NISCH: variants seen among roughly 807,000 people sequenced by gnomAD.
NISCH encodes the protein nischarin.
In NISCH, 55 loss-of-function variants were observed where a neutral mutation model predicts 138.4. That is an observed-to-expected ratio of 0.40 (90% CI 0.32 to 0.50). The LOEUF is 0.50. Ranked by LOEUF, NISCH falls within the 20% of genes least tolerant of loss-of-function variation. The pLI, the probability that NISCH is intolerant of heterozygous loss-of-function variation, is 0.71. For missense variants in NISCH, 1,643 were observed against 2,005.5 expected (o/e 0.82, Z 3.45); for synonymous variants, 860 against 861.5 (o/e 1.00, Z 0.03).
At chr3:52,464,335 T>C (rs934281853) in intron 3 of NISCH, among the ~76,000 whole-genome samples, 1 of 151,660 alleles carries the variant, frequency 6.6e-6, no homozygotes, top group African/African-American at 2.4e-5. Flanking sequence ...GAGGCGAAGA[T>C]TGCAATGAGT....
intron 3 of NISCH, among the ~76,000 whole-genome samples, chr3:52,467,951 A>C (rs1319595527): frequency 6.6e-6 from 1 of 152,146 alleles, no homozygotes; most frequent in Non-Finnish European, 1.5e-5. Context: ...CTGAGCTGAC[A>C]CCAGCTACTT....
At position 52,476,433 on chromosome 3, in the gene NISCH, A is replaced by T. The variant is rs748603396; in HGVS notation, c.766-14A>T. On this transcript the variant is annotated splice_polypyrimidine_tract_variant and intron_variant, in intron 7 of 20. Transcript: ENST00000345716. ...GGCCCGAGTGTGGTGCTCCACACAGATGTTTTTATGCAGGAAGTCCTTGTT... is the reference window on the plus strand; with the variant it reads ...GGCCCGAGTGTGGTGCTCCACACAGTTGTTTTTATGCAGGAAGTCCTTGTT... 7 of 1,613,884 alleles carry T rather than the reference A, an allele frequency of 4.3e-6. No individual in the cohort carries two copies. In the South Asian group the frequency reaches 7.7e-5, roughly 18 times the overall value.
chr3:52,467,958 A>C (rs1706834684), intron 3 of NISCH, among the ~76,000 whole-genome samples: 1 of 152,154 alleles, frequency 6.6e-6, no homozygotes. Flanking sequence ...GACACCAGCT[A>C]CTTGAAGAAA....
chr3:52,482,414 C>T (rs1017799469), intron 13 of NISCH, among the ~76,000 whole-genome samples: 2 of 152,124 alleles, frequency 1.3e-5, no homozygotes, highest in South Asian at 4.1e-4. Flanking sequence ...AGTTGATTGT[C>T]CAGCCAGGCC....
chr3:52,478,149 T>C lies in NISCH; in HGVS notation c.1040T>C (p.Leu347Ser), dbSNP rs1707159697. 6.2e-7 allele frequency: 1 copy of C among 1,614,064 alleles called. No individual in the cohort carries two copies. Among genetic ancestry groups the C allele is most frequent in the Non-Finnish European group, 8.5e-7 (1 of 1,180,004 alleles). ...LDLSYNKLSSLEGLHTKLGNI... is the reference protein window; with the variant it reads ...LDLSYNKLSSSEGLHTKLGNI... ...CTGTCCTACAACAAGCTCTCCTCCT[T>C]GGAAGGGCTTCACACCAAGCTGGGG... Residue 347 changes from leucine (L) to serine (S), a missense_variant, in exon 10 of 21, where the codon TTG becomes TCG. Physicochemically the swap from Leu to Ser is moderately radical, Grantham distance 145 (BLOSUM62 -2). Coordinates refer to ENST00000345716, the MANE Select transcript of NISCH (RefSeq NM_007184.4).
chr3:52,469,925 A>AG (rs1234198124), intron 3 of NISCH, among the ~76,000 whole-genome samples: 4 of 151,690 alleles, frequency 2.6e-5, no homozygotes, highest in Non-Finnish European at 5.9e-5. Context: ...AAAAAAGAAA[A>AG]AAAAAAAAAA....
At chr3:52,476,739 A>G in intron 8 of NISCH, 140 bp downstream of exon 8, 2 of 858,350 alleles carry the variant, frequency 2.3e-6, no homozygotes, top group Non-Finnish European at 3.6e-6. Flanking sequence ...TTTTAAGTTA[A>G]TTACAAAATG....
chr3:52,471,427 C>T (rs949341016), intron 4 of NISCH: 2 of 331,344 alleles, frequency 6.0e-6, no homozygotes, highest in Non-Finnish European at 1.1e-5. Flanking sequence ...GGCTCTGCAC[C>T]ACGCTGGCAC....
In NISCH at chr3:52,487,350, G is replaced by A; in HGVS notation, c.1858G>A (p.Ala620Thr). 1.9e-6 allele frequency: 3 copies of A among 1,614,124 alleles called. No homozygotes were observed. The highest frequency in any genetic ancestry group is 2.5e-6 in the Non-Finnish European group (3 of 1,180,042). Residue 620 changes from alanine (A) to threonine (T), a missense_variant, in exon 16 of 21, where the codon GCC (alanine) becomes ACC (threonine). Physicochemically the swap from Ala to Thr is moderately conservative, Grantham distance 58. Coordinates refer to ENST00000345716, the MANE Select transcript of NISCH (RefSeq NM_007184.4). The surrounding 1 kb of genome is among the most constrained non-coding windows in gnomAD (Gnocchi z 9.1). Reference protein sequence around the residue: ...IRQAIERQLPAWIEAANQREE... With the variant: ...IRQAIERQLPTWIEAANQREE... ...GCAGGCCATCGAGCGGCAGCTGCCT[G>A]CCTGGATCGAGGCTGCCAACCAGCG...
In NISCH at chr3:52,479,845, A is replaced by C; in HGVS notation, c.1399A>C (p.Ser467Arg). The C allele has an allele frequency of 2.5e-6, 4 of 1,613,178 alleles. No homozygotes were observed. The highest frequency in any genetic ancestry group is 3.4e-6 in the Non-Finnish European group (4 of 1,179,554). ...QKAKEVKSKL[S>R]NPEKKGGEDS... Reference sequence around the variant, plus strand: ...AGCCAAGGAGGTCAAGTCCAAACTGAGCAACCCAGAGAAGAAGGTGGGTTT... The same window carrying C: ...AGCCAAGGAGGTCAAGTCCAAACTGCGCAACCCAGAGAAGAAGGTGGGTTT... The change falls in exon 12 of 21, where the codon AGC (serine) becomes CGC (arginine). Residue 467 changes from serine (S) to arginine (R), a missense_variant. Coordinates refer to ENST00000345716, the MANE Select transcript of NISCH (RefSeq NM_007184.4).
chr3:52,462,010 C>T (rs1011875799), intron 3 of NISCH, among the ~76,000 whole-genome samples: 1 of 152,268 alleles, frequency 6.6e-6, no homozygotes, highest in East Asian at 1.9e-4. Flanking sequence ...GGCTGCCTCA[C>T]GTGTGCCTGG....
chr3:52,487,311 A>G lies in NISCH; in HGVS notation c.1819A>G (p.Ser607Gly). 1 of 1,614,192 alleles carries G rather than the reference A, an allele frequency of 6.2e-7. No individual in the cohort carries two copies. ...CAATCAGGACTTCATCCAGCGCCTG[A>G]GCACACTGATCCGGCAGGCCATCGA... is the stretch of plus-strand genomic sequence containing the variant. ...ATNQDFIQRL[S>G]TLIRQAIERQ... The change falls in exon 16 of 21, where the codon AGC becomes GGC. Residue 607 changes from serine to glycine, a missense_variant. By Grantham distance (56) the Ser-to-Gly change is moderately conservative (BLOSUM62 0). Coordinates refer to ENST00000345716, the MANE Select transcript of NISCH (RefSeq NM_007184.4). The surrounding 1 kb of genome is among the most constrained non-coding windows in gnomAD (Gnocchi z 9.1).
rs140213598 is a variant in NISCH, at chr3:52,458,665, G to A, written c.181G>A (p.Val61Ile). The A allele has an allele frequency of 4.1e-5, 66 of 1,611,450 alleles. No individual in the cohort carries two copies. The highest frequency in any genetic ancestry group is 4.9e-5 in the Non-Finnish European group (58 of 1,179,220). Residue 61 changes from valine (V) to isoleucine (I), a missense_variant, in exon 3 of 21, where the codon GTT (valine) becomes ATT (isoleucine). Transcript: ENST00000345716. ...SDFHDLHEKLVAERKIDKNLL... is the reference protein window; with the variant it reads ...SDFHDLHEKLIAERKIDKNLL... ...ATGTGCTTATGTTTTTTTACAGCTC[G>A]TTGCAGAGAGAAAGATTGATAAAAA...
intron 8 of NISCH, among the ~76,000 whole-genome samples, chr3:52,477,265 T>G (rs1384403397): frequency 2.0e-5 from 3 of 152,306 alleles, no homozygotes; most frequent in African/African-American, 7.2e-5. Flanking sequence ...TTTGCGCTGC[T>G]CAGGGAGTGT....
At chr3:52,464,674 G>A (rs896645037) in intron 3 of NISCH, among the ~76,000 whole-genome samples, 1 of 151,956 alleles carries the variant, frequency 6.6e-6, no homozygotes, top group Non-Finnish European at 1.5e-5. Context: ...ACAGGCGTAC[G>A]CAACCACGTC....
chr3:52,456,554 A>G (rs1392182646), intron 1 of NISCH, among the ~76,000 whole-genome samples: 1 of 152,168 alleles, frequency 6.6e-6, no homozygotes, highest in Non-Finnish European at 1.5e-5. Flanking sequence ...CTAGGCATAG[A>G]GCACCTCCCT....
chr3:52,483,341 G>A (rs1434707786), intron 13 of NISCH, among the ~76,000 whole-genome samples: 3 of 152,186 alleles, frequency 2.0e-5, no homozygotes, highest in Non-Finnish European at 4.4e-5. Context: ...TCACTGGGCT[G>A]TGGCGATGCT....
rs569383348 is a variant in NISCH, at chr3:52,484,025, G to T, written c.1529-488G>T. Among the ~76,000 whole-genome samples, 249 of 152,324 alleles carry T rather than the reference G, an allele frequency of 1.6e-3. 2 individuals are homozygous for T. Among genetic ancestry groups the T allele is most frequent in the Non-Finnish European group, 4.0e-4 (27 of 68,034 alleles). ...TTCTGAGAGCGAGCATTCTTTTCAT[G>T]TTCTATCCGCTGGCCGTTCTTCTGC... On this transcript the variant is annotated intron_variant, in intron 13 of 20. Transcript: ENST00000345716.
In NISCH at chr3:52,489,512, C is replaced by G; in HGVS notation, c.3290C>G (p.Pro1097Arg). 6.2e-7 allele frequency: 1 copy of G among 1,612,466 alleles called. No homozygotes were observed. Among genetic ancestry groups the G allele is most frequent in the Non-Finnish European group, 8.5e-7 (1 of 1,179,300 alleles). Residue 1097 changes from proline to arginine, a missense_variant, in exon 17 of 21, where the codon CCA becomes CGA. Pro to Arg is a moderately radical substitution (Grantham distance 103). Transcript: ENST00000345716. ...GAGACGCCAGTGGAAGCTCCAGCCC[C>G]ACCCCCAGCCGAGGCCCCTGCCCAG... ...PEETPVEAPAPPPAEAPAQYP... is the reference protein window; with the variant it reads ...PEETPVEAPARPPAEAPAQYP...
Sources: gnomAD v4.1 joint callset for allele counts (sites outside exome capture counted in the v4.1 genomes callset) on GRCh38, gnomAD v4.1.1 for gene constraint, Gnocchi (gnomAD v3.1) non-coding constraint, MANE v1.5 for transcripts, NCBI Gene and HGNC (gene_info 2026-07-23, HGNC 2026-07-21) for gene names.